The following SATL1 variants were observed in gnomAD, a reference collection of about 807,000 sequenced individuals.
The protein encoded by SATL1 is spermidine/spermine N1-acetyl transferase like 1.
Under a neutral mutation model 51.8 loss-of-function variants are expected in SATL1, and 47 were observed. The observed-to-expected ratio is 0.91, with a 90% CI of 0.72 to 1.16. SATL1 has a LOEUF of 1.16. Ranked by LOEUF, SATL1 falls within the 50% of genes most tolerant of loss-of-function variation. SATL1 has a pLI of 0.00. For synonymous variants in SATL1, 176 were observed against 182.4 expected, an observed-to-expected ratio of 0.97 and a Z score of 0.28; for missense variants, 520 against 526.4, an observed-to-expected ratio of 0.99 and a Z score of 0.12.
intron 2 of SATL1, among the ~76,000 whole-genome samples, chrX:85,171,064 A>T (rs746703879): frequency 9.0e-6 from 1 of 111,575 alleles, no homozygotes; most frequent in African/African-American, 3.2e-5. Flanking sequence ...ATCTTGCATA[A>T]CTGGTAATTT....
intron 2 of SATL1, among the ~76,000 whole-genome samples, chrX:85,147,065 G>C (rs1926266377): frequency 8.8e-6 from 1 of 113,030 alleles, no homozygotes; most frequent in Non-Finnish European, 1.9e-5. Flanking sequence ...CCCTTTCCTA[G>C]TCAAAGAAAG....
intron 2 of SATL1, among the ~76,000 whole-genome samples, chrX:85,147,556 A>T (rs1926290306): frequency 8.8e-6 from 1 of 113,012 alleles, no homozygotes; most frequent in Admixed American, 9.3e-5. Context: ...CGAGCAGCCT[A>T]ACTAGGAGGC....
intron 2 of SATL1, among the ~76,000 whole-genome samples, chrX:85,186,606 A>G (rs1006719179): frequency 2.7e-5 from 3 of 111,489 alleles, no homozygotes; most frequent in African/African-American, 9.8e-5. Flanking sequence ...CTGCTGTGAC[A>G]GTGCAATACT....
intron 2 of SATL1, among the ~76,000 whole-genome samples, chrX:85,133,481 T>G (rs1336985760): frequency 8.9e-6 from 1 of 112,435 alleles, no homozygotes; most frequent in Non-Finnish European, 1.9e-5. Context: ...AATCTCCTGG[T>G]GTGCCATTTG....
chrX:85,095,088 C>T, intron 4 of SATL1, 92 bp from the exon 5 acceptor site: 1 of 513,611 alleles, frequency 1.9e-6, no homozygotes, highest in South Asian at 3.4e-5. Context: ...TCTCTCTCCA[C>T]CTGGATAGCA....
At chrX:85,145,740 T>C (rs1030334121) in intron 2 of SATL1, among the ~76,000 whole-genome samples, 3 of 111,198 alleles carry the variant, frequency 2.7e-5, no homozygotes, top group Non-Finnish European at 5.7e-5. Context: ...GATCTTTTCA[T>C]GTCAGCTATG....
chrX:85,151,623 A>T (rs1484201196), intron 2 of SATL1, among the ~76,000 whole-genome samples: 1 of 111,394 alleles, frequency 9.0e-6, no homozygotes, highest in Non-Finnish European at 1.9e-5. Flanking sequence ...ACAGAGATAT[A>T]GACCAATGGA....
At chrX:85,153,208 C>G (rs961976773) in intron 2 of SATL1, among the ~76,000 whole-genome samples, 1 of 110,247 alleles carries the variant, frequency 9.1e-6, no homozygotes, top group Non-Finnish European at 1.9e-5. Context: ...TGCTGGCAGT[C>G]TTTTCTCATC....
intron 1 of SATL1, among the ~76,000 whole-genome samples, chrX:85,225,799 CTA>C (rs1236723207): frequency 9.0e-6 from 1 of 111,548 alleles, no homozygotes; most frequent in East Asian, 2.8e-4. Flanking sequence ...GCATTCAACC[CTA>C]TGATACACAG....
At chrX:85,156,857 ATATATATATAT>A (rs1569238907) in intron 2 of SATL1, among the ~76,000 whole-genome samples, 606 of 34,136 alleles carry the variant, frequency 0.018, 4 homozygotes, top group Non-Finnish European at 0.031. Flanking sequence ...ATATATATAT[ATATATATATAT>A]AAAATATGTA....
chrX:85,139,925 C>T (rs746460072), intron 2 of SATL1, among the ~76,000 whole-genome samples: 1 of 111,330 alleles, frequency 9.0e-6, no homozygotes, highest in Admixed American at 9.6e-5. Flanking sequence ...GTGAGCAAGC[C>T]CATGTAACTA....
At chrX:85,148,529 T>C (rs904834799) in intron 2 of SATL1, among the ~76,000 whole-genome samples, 1 of 110,171 alleles carries the variant, frequency 9.1e-6, no homozygotes, top group African/African-American at 3.3e-5. Flanking sequence ...TCACCAAAGT[T>C]GAAATGAAGG....
At chrX:85,189,091 T>C (rs1927378432) in intron 2 of SATL1, among the ~76,000 whole-genome samples, 1 of 112,707 alleles carries the variant, frequency 8.9e-6, no homozygotes, top group Non-Finnish European at 1.9e-5. Context: ...TGCAGATTTT[T>C]AGTTATATAT....
chrX:85,174,325 CTT>C (rs748867418), intron 2 of SATL1, among the ~76,000 whole-genome samples: 8 of 101,097 alleles, frequency 7.9e-5, no homozygotes, highest in African/African-American at 2.9e-4. Flanking sequence ...ATGGATAAAA[CTT>C]TTTTTTTTTT....
chrX:85,172,569 T>C (rs190454428), intron 2 of SATL1, among the ~76,000 whole-genome samples: 1 of 111,425 alleles, frequency 9.0e-6, no homozygotes. Flanking sequence ...CATTCTTTCA[T>C]CTTTCCTTCT....
intron 2 of SATL1, among the ~76,000 whole-genome samples, chrX:85,166,605 TA>T (rs1163936972): frequency 9.0e-6 from 1 of 111,009 alleles, no homozygotes; most frequent in Non-Finnish European, 1.9e-5. Context: ...AGAAAGGCCA[TA>T]ACTAAAAAAT....
rs914756162 is a variant in SATL1, at chrX:85,134,294, A to G, written c.-312-25014T>C. 1.8e-4 allele frequency among the ~76,000 whole-genome samples: 20 copies of G among 111,356 alleles called. No individual in the cohort carries two copies. In the Admixed American group the frequency reaches 1.9e-3, roughly 11 times the overall value. On this transcript the variant is annotated intron_variant, in intron 2 of 7. Coordinates refer to ENST00000644105, the MANE Select transcript of SATL1 (RefSeq NM_001367857.2). ...ATTTAAAAAGAGACATTAAACCTAAAATGAGAAATGTCTGACTCATGAGAA... is the reference window on the plus strand; with the variant it reads ...ATTTAAAAAGAGACATTAAACCTAAGATGAGAAATGTCTGACTCATGAGAA...
chrX:85,188,387 A>T (rs1192244103), intron 2 of SATL1, among the ~76,000 whole-genome samples: 1 of 111,669 alleles, frequency 9.0e-6, no homozygotes, highest in Admixed American at 9.6e-5. Flanking sequence ...GTGTTAAGTT[A>T]TGGTAAGAAG....
chrX:85,143,023 A>G (rs1926146864), intron 2 of SATL1: 1 of 111,841 alleles, frequency 8.9e-6, no homozygotes, highest in African/African-American at 3.2e-5. Context: ...TGGTGGCTGT[A>G]AGGTCAGAGA....
Sources: gnomAD v4.1 joint callset for allele counts (sites outside exome capture counted in the v4.1 genomes callset) on GRCh38, gnomAD v4.1.1 for gene constraint, MANE v1.5 for transcripts, NCBI Gene and HGNC (gene_info 2026-07-23, HGNC 2026-07-21) for gene names.